Variants in DNAH7 observed in about 807,000 individuals in gnomAD.
DNAH7 encodes the protein dynein axonemal heavy chain 7, also known as axonemal beta dynein heavy chain 7.
DNAH7 carries 397 observed loss-of-function variants against 444.6 expected under a neutral mutation model. The ratio of observed to expected loss-of-function variants is 0.89; its 90% CI spans 0.82 to 0.97. The LOEUF is 0.97. Ranked by LOEUF, DNAH7 falls within the 50% of genes least tolerant of loss-of-function variation. The pLI is 0.00. For missense variants in DNAH7, 4,902 were observed against 4,800.8 expected (o/e 1.02, Z -0.62); for synonymous variants, 1,636 against 1,624.4 (o/e 1.01, Z -0.17).
intron 57 of DNAH7, among the ~76,000 whole-genome samples, chr2:195,792,254 T>TGGGTACTA (rs1695912256): frequency 1.3e-5 from 2 of 151,234 alleles, no homozygotes; most frequent in Non-Finnish European, 2.9e-5. Flanking sequence ...TAAAAACAGT[T>TGGGTACTA]GGGTACTATG....
intron 58 of DNAH7, among the ~76,000 whole-genome samples, chr2:195,779,645 G>A (rs1353898354): frequency 6.6e-6 from 1 of 151,668 alleles, no homozygotes; most frequent in Admixed American, 6.6e-5. Context: ...GTCTTGCTCT[G>A]TCACCCAGGC....
At chr2:196,052,642 T>A (rs886635834) in intron 2 of DNAH7, among the ~76,000 whole-genome samples, 2 of 152,236 alleles carry the variant, frequency 1.3e-5, no homozygotes, top group African/African-American at 2.4e-5. Context: ...ATGTAGTCTC[T>A]GCCTTCACAA....
At chr2:195,907,902 G>A (rs1409741871) in intron 25 of DNAH7, among the ~76,000 whole-genome samples, 2 of 151,910 alleles carry the variant, frequency 1.3e-5, no homozygotes, top group African/African-American at 4.8e-5. Flanking sequence ...TCTAATGCAT[G>A]GCGACAGATC....
chr2:195,882,044 C>T, intron 35 of DNAH7, 52 bp from the exon 36 acceptor site: 1 of 1,449,516 alleles, frequency 6.9e-7, no homozygotes, highest in Non-Finnish European at 9.5e-7. Flanking sequence ...CTTTAAAAAG[C>T]TCTATACTCC....
At chr2:195,924,777 T>C (rs1688230306) in intron 22 of DNAH7, among the ~76,000 whole-genome samples, 1 of 152,172 alleles carries the variant, frequency 6.6e-6, no homozygotes, top group Admixed American at 6.6e-5. Flanking sequence ...ACATTGAATA[T>C]GTTAGTTTAT....
At chr2:195,787,396 C>A (rs545940362) in intron 57 of DNAH7, among the ~76,000 whole-genome samples, 23 of 152,192 alleles carry the variant, frequency 1.5e-4, no homozygotes, top group Non-Finnish European at 2.8e-4. Context: ...TAGCTGTGTA[C>A]CCCAGGTTTT....
chr2:195,959,341 TTCTA>T (rs1422707874), intron 18 of DNAH7, among the ~76,000 whole-genome samples: 1 of 152,200 alleles, frequency 6.6e-6, no homozygotes, highest in Non-Finnish European at 1.5e-5. Context: ...TTCCCTCTTT[TTCTA>T]TCTAATTTTT....
At chr2:195,996,738 T>G (rs1693722087) in intron 12 of DNAH7, among the ~76,000 whole-genome samples, 1 of 152,182 alleles carries the variant, frequency 6.6e-6, no homozygotes, top group African/African-American at 2.4e-5. Flanking sequence ...AACTTACTCT[T>G]AAATATACAT....
Position 195,897,551 on chromosome 2 carries a change from C to T in DNAH7, c.4647+116G>A, listed in dbSNP as rs16841716. 10,891 of 466,400 alleles carry T rather than the reference C, an allele frequency of 0.023. 1,008 individuals are homozygous for T. The East Asian group carries it at 0.24, about 10-fold the overall frequency. 28.9% of individuals were successfully genotyped at this position (466,400 alleles called of 1,614,324 possible). On this transcript the variant is annotated intron_variant, in intron 29 of 64. Coordinates refer to ENST00000312428, the MANE Select transcript of DNAH7 (RefSeq NM_018897.3). ...CACTTCAAATAAAATATGGAATTAT[C>T]TATGTTTCTCTGTACTGTGTCATTG...
chr2:195,822,302 C>T (rs1356054967), intron 49 of DNAH7, among the ~76,000 whole-genome samples: 5 of 152,206 alleles, frequency 3.3e-5, no homozygotes, highest in Non-Finnish European at 2.9e-5. Context: ...TTTTACTTCA[C>T]TGTGTTCAGA....
At chr2:195,787,224 A>G (rs1279601117) in intron 57 of DNAH7, 53 bp from the exon 58 acceptor site, 6 of 1,506,400 alleles carry the variant, frequency 4.0e-6, no homozygotes, top group Non-Finnish European at 4.5e-6. Flanking sequence ...ATATTGCATT[A>G]TATTTACCAT....
chr2:195,756,138 A>G lies in DNAH7; in HGVS notation c.11581T>C (p.Leu3861=). The G allele has an allele frequency of 6.3e-7, 1 of 1,595,460 alleles. No homozygotes were observed. Among genetic ancestry groups the G allele is most frequent in the Admixed American group, 1.8e-5 (1 of 57,020 alleles). ...GATCATTTAGACGAACTTACCTGCA[A>G]GAATTTTAGTCTTGCAAGGAAGTCA... ...VNDFLARLKF[L]QQWYEVGPPP... The change falls in exon 62 of 65, where the codon TTG becomes CTG. Residue 3861 remains leucine (L), a synonymous_variant. Coordinates refer to ENST00000312428, the MANE Select transcript of DNAH7 (RefSeq NM_018897.3).
chr2:195,954,176 A>T (rs375938084), intron 19 of DNAH7, among the ~76,000 whole-genome samples: 1 of 145,816 alleles, frequency 6.9e-6, no homozygotes, highest in African/African-American at 2.7e-5. Flanking sequence ...ATCCCTCCCC[A>T]CTCTCCCCAC....
chr2:195,995,453 A>T, intron 12 of DNAH7: 1 of 389,546 alleles, frequency 2.6e-6, no homozygotes, highest in South Asian at 2.1e-5. Flanking sequence ...GACTTCATAG[A>T]GCAGCTCTTC....
chr2:195,738,729 C>G (rs920827895), intron 64 of DNAH7, among the ~76,000 whole-genome samples: 16 of 152,204 alleles, frequency 1.1e-4, no homozygotes, highest in South Asian at 2.1e-4. Flanking sequence ...GCAGTTTGAT[C>G]TTTGAATGTA....
intron 43 of DNAH7, 28 bp downstream of exon 43, chr2:195,858,446 C>T (rs1386104931): frequency 6.5e-7 from 1 of 1,533,340 alleles, no homozygotes; most frequent in Non-Finnish European, 8.8e-7. Flanking sequence ...TGACATGTGT[C>T]CTAGAAAGTG....
At chr2:196,046,626 C>G (rs12469106) in intron 5 of DNAH7, among the ~76,000 whole-genome samples, 73,114 of 151,854 alleles carry the variant, frequency 0.48, 20,224 homozygotes, top group South Asian at 0.63. Context: ...ACGCTCAACC[C>G]AGCTGCATGG....
At chr2:196,049,634 G>C (rs1697343209) in intron 3 of DNAH7, among the ~76,000 whole-genome samples, 1 of 152,142 alleles carries the variant, frequency 6.6e-6, no homozygotes, top group South Asian at 2.1e-4. Context: ...AATATCTGTT[G>C]AAAATATGAT....
At chr2:195,981,310 T>C (rs1692556267) in intron 15 of DNAH7, among the ~76,000 whole-genome samples, 1 of 151,984 alleles carries the variant, frequency 6.6e-6, no homozygotes, top group African/African-American at 2.4e-5. Context: ...TAGTGAAAAT[T>C]ATAACACAAT....
Sources: gnomAD v4.1 joint callset for allele counts (sites outside exome capture counted in the v4.1 genomes callset) on GRCh38, gnomAD v4.1.1 for gene constraint, MANE v1.5 for transcripts, NCBI Gene and HGNC (gene_info 2026-07-23, HGNC 2026-07-21) for gene names.